XXYLT1: variants seen among roughly 807,000 people sequenced by gnomAD.
The protein encoded by XXYLT1 is UDP-xylose:alpha-xyloside alpha-1,3-xylosyltransferase.
Under a neutral mutation model 28.9 loss-of-function variants are expected in XXYLT1, and 20 were observed. The ratio of observed to expected loss-of-function variants is 0.69; its 90% confidence interval spans 0.49 to 1.00. The LOEUF (loss-of-function observed/expected upper bound fraction) is 1.00, where lower values mean the gene tolerates loss of function less well. Ranked by LOEUF, XXYLT1 falls within the 50% of genes least tolerant of loss-of-function variation. XXYLT1 has a pLI of 0.00. For missense variants in XXYLT1, 542 were observed against 560.1 expected, an observed-to-expected ratio of 0.97 and a Z score of 0.33; for synonymous variants, 257 against 253.8, an observed-to-expected ratio of 1.01 and a Z score of -0.12.
intron 3 of XXYLT1, among the ~76,000 whole-genome samples, chr3:195,109,593 C>G (rs1348108483): frequency 7.6e-6 from 1 of 130,732 alleles, no homozygotes; most frequent in African/African-American, 3.0e-5. Context: ...TATGAGTGCA[C>G]GTGTGTGTGG....
intron 1 of XXYLT1, among the ~76,000 whole-genome samples, chr3:195,253,894 T>C (rs962609819): frequency 1.3e-5 from 2 of 152,224 alleles, no homozygotes; most frequent in South Asian, 4.1e-4. Context: ...GCAGTTTACA[T>C]CCTCTGCAAA....
chr3:195,260,756 C>G (rs981546659), intron 1 of XXYLT1, among the ~76,000 whole-genome samples: 2 of 152,224 alleles, frequency 1.3e-5, no homozygotes, highest in African/African-American at 2.4e-5. Flanking sequence ...TAGTCACTGC[C>G]CCTTTCTGGC....
At chr3:195,161,419 G>A (rs1232641904) in intron 2 of XXYLT1, among the ~76,000 whole-genome samples, 2 of 151,962 alleles carry the variant, frequency 1.3e-5, no homozygotes, top group Non-Finnish European at 2.9e-5. Flanking sequence ...GATAGCAGAC[G>A]ACCCCAGATC....
intron 3 of XXYLT1, among the ~76,000 whole-genome samples, chr3:195,074,391 C>T (rs11928471): frequency 0.052 from 7,880 of 152,282 alleles, 310 homozygotes; most frequent in East Asian, 0.19. Flanking sequence ...AGGAAGCACC[C>T]GGCCCAGAGG....
At chr3:195,167,775 T>C (rs1036041084) in intron 2 of XXYLT1, among the ~76,000 whole-genome samples, 1 of 152,108 alleles carries the variant, frequency 6.6e-6, no homozygotes, top group Non-Finnish European at 1.5e-5. Flanking sequence ...CCTTCTAGTA[T>C]TCCCCAAAAT....
rs1416243094 is a variant in XXYLT1 at position 195,176,732 on chromosome 3, G to T, written c.653-20151C>A. Among the ~76,000 whole-genome samples, 1 of 152,150 alleles carries T rather than the reference G, an allele frequency of 6.6e-6. No homozygotes were observed. Among genetic ancestry groups the T allele is most frequent in the African/African-American group, 2.4e-5 (1 of 41,412 alleles). On this transcript the variant is annotated intron_variant, in intron 2 of 3. Transcript: ENST00000310380. This position sits in a 1 kb window ranked among gnomAD's most constrained non-coding sequence, Gnocchi z 4.9. ...ACGCTTACCTAAGGACTCTAAACAT[G>T]CAAAAGGCAGATGTTTGGGGTTGGA...
intron 3 of XXYLT1, among the ~76,000 whole-genome samples, chr3:195,099,110 C>G (rs1716620013): frequency 6.6e-6 from 1 of 152,152 alleles, no homozygotes; most frequent in South Asian, 2.1e-4. Flanking sequence ...ACCAGGGGAA[C>G]CGAGGACATG....
intron 3 of XXYLT1, among the ~76,000 whole-genome samples, chr3:195,099,430 G>A (rs774632514): frequency 5.9e-5 from 9 of 152,078 alleles, no homozygotes; most frequent in Non-Finnish European, 1.0e-4. Flanking sequence ...CAGCCTGGAC[G>A]CAGTCAAGTC....
intron 3 of XXYLT1, among the ~76,000 whole-genome samples, chr3:195,123,124 A>G (rs1339425832): frequency 1.3e-5 from 2 of 152,176 alleles, no homozygotes; most frequent in Non-Finnish European, 2.9e-5. Context: ...CTAATCAGCT[A>G]GAACTCATTC....
intron 2 of XXYLT1, among the ~76,000 whole-genome samples, chr3:195,203,756 T>G (rs1326935284): frequency 1.3e-5 from 2 of 152,202 alleles, no homozygotes; most frequent in Admixed American, 1.3e-4. Flanking sequence ...GTGCTGGGAC[T>G]GTCATCCTCC....
Position 195,170,904 on chromosome 3 carries a change from T to C in XXYLT1, c.653-14323A>G, listed in dbSNP as rs146298699. Reference sequence around the variant, plus strand: ...CCAAAAAAAAAAAGTAATCCAGCCATGAAAGAGCAGCCTCAGAAATAGGTG... The same window carrying C: ...CCAAAAAAAAAAAGTAATCCAGCCACGAAAGAGCAGCCTCAGAAATAGGTG... On this transcript the variant is annotated intron_variant, in intron 2 of 3. Transcript: ENST00000310380. Among the ~76,000 whole-genome samples, 592 of 151,552 alleles carry C rather than the reference T, an allele frequency of 3.9e-3. 5 individuals carry two copies. The highest frequency in any genetic ancestry group is 0.014 in the African/African-American group (578 of 41,274).
At chr3:195,220,392 C>T (rs1026762743) in intron 2 of XXYLT1, among the ~76,000 whole-genome samples, 8 of 152,204 alleles carry the variant, frequency 5.3e-5, no homozygotes, top group Admixed American at 5.2e-4. Flanking sequence ...GATCCGCCCG[C>T]CTCGGTCTCC....
chr3:195,238,148 C>G (rs991901703), intron 1 of XXYLT1, among the ~76,000 whole-genome samples: 3 of 152,192 alleles, frequency 2.0e-5, no homozygotes, highest in African/African-American at 7.2e-5. Context: ...CCCCGTCCCC[C>G]GACCTCCCCG....
chr3:195,086,211 C>CT (rs900976236), intron 3 of XXYLT1, among the ~76,000 whole-genome samples: 6 of 151,324 alleles, frequency 4.0e-5, no homozygotes, highest in Non-Finnish European at 5.9e-5. Context: ...TTAAATTTTT[C>CT]TTTTTTTTTA....
chr3:195,116,306 G>C (rs1718040005), intron 3 of XXYLT1, among the ~76,000 whole-genome samples: 1 of 152,190 alleles, frequency 6.6e-6, no homozygotes, highest in African/African-American at 2.4e-5. Flanking sequence ...ATTCTAACCA[G>C]AATGCTTTAA....
intron 1 of XXYLT1, among the ~76,000 whole-genome samples, chr3:195,264,563 A>T (rs1725784823): frequency 6.6e-6 from 1 of 152,226 alleles, no homozygotes; most frequent in Non-Finnish European, 1.5e-5. Flanking sequence ...CTCTCTGTAG[A>T]ATTGATCACA....
chr3:195,203,627 A>C (rs994595963), intron 2 of XXYLT1, among the ~76,000 whole-genome samples: 8 of 152,244 alleles, frequency 5.3e-5, no homozygotes, highest in Non-Finnish European at 1.0e-4. Flanking sequence ...TAAAGTAAGG[A>C]GCAAATGGCC....
intron 3 of XXYLT1, among the ~76,000 whole-genome samples, chr3:195,109,602 G>GTGGTTGTGTGGCATATGAGTGCAC (rs767131363): frequency 1.3e-5 from 1 of 76,552 alleles, no homozygotes; most frequent in Admixed American, 1.3e-4. Flanking sequence ...ACGTGTGTGT[G>GTGGTTGTGTGGCATATGAGTGCAC]GTGTGTGTTG....
intron 3 of XXYLT1, among the ~76,000 whole-genome samples, chr3:195,082,211 C>A (rs1039899600): frequency 2.0e-5 from 3 of 152,118 alleles, no homozygotes; most frequent in African/African-American, 7.2e-5. Flanking sequence ...GGGTGGCGGG[C>A]GCGTAAGGCA....
Sources: gnomAD v4.1 joint callset for allele counts (sites outside exome capture counted in the v4.1 genomes callset) on GRCh38, gnomAD v4.1.1 for gene constraint, Gnocchi (gnomAD v3.1) non-coding constraint, MANE v1.5 for transcripts, NCBI Gene and HGNC (gene_info 2026-07-23, HGNC 2026-07-21) for gene names.